The following LRRC4C variants were observed in gnomAD, a reference collection of about 807,000 sequenced individuals.
LRRC4C encodes the protein leucine rich repeat containing 4C.
LRRC4C carries 5 observed loss-of-function variants against 33.6 expected under a neutral mutation model. The ratio of observed to expected loss-of-function variants is 0.15; its 90% confidence interval spans 0.08 to 0.31. LRRC4C has a LOEUF of 0.31. LRRC4C is among the 10% of genes least tolerant of loss of function. The probability of loss-of-function intolerance (pLI) is 1.00; values close to 1 mark genes in which losing one functional copy is unlikely to be tolerated. For missense variants in LRRC4C, 560 were observed against 796.7 expected, an observed-to-expected ratio of 0.70 and a Z score of 3.58; for synonymous variants, 329 against 302.0, an observed-to-expected ratio of 1.09 and a Z score of -0.93.
intron 5 of LRRC4C, among the ~76,000 whole-genome samples, chr11:40,169,457 T>C (rs1859864803): frequency 6.6e-6 from 1 of 152,180 alleles, no homozygotes; most frequent in South Asian, 2.1e-4. Flanking sequence ...AATCTCAGGG[T>C]ATCAAGATAA....
intron 2 of LRRC4C, among the ~76,000 whole-genome samples, chr11:40,930,818 G>A (rs920662311): frequency 6.6e-6 from 1 of 152,018 alleles, no homozygotes; most frequent in African/African-American, 2.4e-5. Context: ...TTTTACTGGG[G>A]GCCAAAACAA....
At chr11:40,534,902 AAG>A (rs1438357696) in intron 3 of LRRC4C, among the ~76,000 whole-genome samples, 8 of 152,298 alleles carry the variant, frequency 5.3e-5, no homozygotes, top group Middle Eastern at 6.8e-3. Context: ...AGTAAAAACA[AAG>A]AGGAGAAAGC....
chr11:41,263,660 A>G (rs1012699729), intron 1 of LRRC4C, among the ~76,000 whole-genome samples: 6 of 152,212 alleles, frequency 3.9e-5, no homozygotes, highest in South Asian at 4.1e-4. Flanking sequence ...TCTTTTCTCC[A>G]GGGGAGAAGA....
chr11:41,294,471 G>C (rs1950081417), intron 1 of LRRC4C, among the ~76,000 whole-genome samples: 1 of 152,092 alleles, frequency 6.6e-6, no homozygotes, highest in Non-Finnish European at 1.5e-5. Context: ...AGACTACTGT[G>C]GGTATACATG....
chr11:40,363,796 T>C (rs1948077630), intron 3 of LRRC4C, among the ~76,000 whole-genome samples: 1 of 152,182 alleles, frequency 6.6e-6, no homozygotes, highest in Non-Finnish European at 1.5e-5. Flanking sequence ...AATTCTGGCT[T>C]TGAACCTCTG....
intron 1 of LRRC4C, among the ~76,000 whole-genome samples, chr11:41,112,796 A>T (rs1236626392): frequency 2.0e-5 from 3 of 152,102 alleles, no homozygotes; most frequent in African/African-American, 7.2e-5. Context: ...GAGCACATTC[A>T]TTATACTCAA....
At chr11:40,506,208 A>C (rs371062764) in intron 3 of LRRC4C, among the ~76,000 whole-genome samples, 3 of 152,172 alleles carry the variant, frequency 2.0e-5, no homozygotes, top group African/African-American at 7.2e-5. Context: ...ACTTAATTCA[A>C]TTTATAATGA....
At chr11:40,299,368 A>T (rs1389558069) in intron 4 of LRRC4C, among the ~76,000 whole-genome samples, 1 of 152,178 alleles carries the variant, frequency 6.6e-6, no homozygotes, top group Non-Finnish European at 1.5e-5. Context: ...CCACTATCAG[A>T]TTCCTGCGTG....
chr11:40,499,743 T>G (rs778346394), intron 3 of LRRC4C, among the ~76,000 whole-genome samples: 1 of 152,088 alleles, frequency 6.6e-6, no homozygotes, highest in Non-Finnish European at 1.5e-5. Flanking sequence ...AAGGATTGAT[T>G]TGAAGGAAAG....
chr11:40,662,687 C>A (rs1943507249), intron 2 of LRRC4C, among the ~76,000 whole-genome samples: 1 of 152,174 alleles, frequency 6.6e-6, no homozygotes, highest in South Asian at 2.1e-4. Flanking sequence ...TGGTGAGGAT[C>A]AGGGCTCTAG....
intron 1 of LRRC4C, among the ~76,000 whole-genome samples, chr11:41,391,619 C>G (rs1248233848): frequency 6.6e-6 from 1 of 151,864 alleles, no homozygotes; most frequent in Non-Finnish European, 1.5e-5. Flanking sequence ...CTATAATTCT[C>G]ACTTATTTCC....
intron 3 of LRRC4C, among the ~76,000 whole-genome samples, chr11:40,397,235 T>C (rs1242051833): frequency 6.6e-6 from 1 of 152,120 alleles, no homozygotes; most frequent in Admixed American, 6.6e-5. Context: ...CTAATCTGTG[T>C]GACAAAGAGT....
At chr11:40,291,161 C>A (rs7941452) in intron 4 of LRRC4C, among the ~76,000 whole-genome samples, 55,892 of 151,740 alleles carry the variant, frequency 0.37, 10,575 homozygotes, top group Admixed American at 0.42. Flanking sequence ...AGAGGAATAG[C>A]GAAGGGGGAA....
chr11:40,818,844 A>G (rs1951811198), intron 2 of LRRC4C, among the ~76,000 whole-genome samples: 1 of 152,114 alleles, frequency 6.6e-6, no homozygotes, highest in Non-Finnish European at 1.5e-5. Context: ...ATACCTAGCT[A>G]AATAATACTG....
At chr11:40,962,572 T>C (rs949193455) in intron 1 of LRRC4C, among the ~76,000 whole-genome samples, 1 of 151,750 alleles carries the variant, frequency 6.6e-6, no homozygotes, top group African/African-American at 2.4e-5. Flanking sequence ...CTTTTCAGTG[T>C]GGTTTTGAGC....
chr11:40,517,440 G>A (rs765813130), intron 3 of LRRC4C, among the ~76,000 whole-genome samples: 43 of 152,188 alleles, frequency 2.8e-4, no homozygotes, highest in East Asian at 2.3e-3. Flanking sequence ...AGAGGACAGC[G>A]GAAATTTCAC....
At chr11:41,027,073 T>C (rs1190497158) in intron 1 of LRRC4C, among the ~76,000 whole-genome samples, 1 of 151,692 alleles carries the variant, frequency 6.6e-6, no homozygotes, top group Non-Finnish European at 1.5e-5. Flanking sequence ...TAAGTAGTTT[T>C]GTAACAAAAA....
At chr11:40,399,617 G>A (rs1234242278) in intron 3 of LRRC4C, among the ~76,000 whole-genome samples, 1 of 151,800 alleles carries the variant, frequency 6.6e-6, no homozygotes, top group African/African-American at 2.4e-5. Flanking sequence ...ACACCAGCAT[G>A]GCACATGTAT....
At chr11:40,903,017 C>T (rs1382390696) in intron 2 of LRRC4C, among the ~76,000 whole-genome samples, 1 of 152,124 alleles carries the variant, frequency 6.6e-6, no homozygotes, top group East Asian at 1.9e-4. Flanking sequence ...GATGAAACAG[C>T]TTTATGTTGG....
Sources: allele counts gnomAD v4.1 joint callset (sites outside exome capture counted in the v4.1 genomes callset), GRCh38; gene constraint gnomAD v4.1.1; transcripts MANE v1.5; gene names NCBI Gene and HGNC (gene_info 2026-07-23, HGNC 2026-07-21).